Variants in GPHN observed in about 807,000 individuals in gnomAD.
GPHN encodes gephyrin.
GPHN carries 17 observed loss-of-function variants against 95.5 expected under a neutral mutation model. The ratio of observed to expected loss-of-function variants is 0.18; its 90% CI spans 0.12 to 0.27. The LOEUF (loss-of-function observed/expected upper bound fraction) is 0.27, where lower values mean the gene tolerates loss of function less well. GPHN is among the 10% of genes least tolerant of loss of function. The probability of loss-of-function intolerance (pLI) is 1.00; values close to 1 mark genes in which losing one functional copy is unlikely to be tolerated. For missense variants in GPHN, 660 were observed against 978.1 expected (o/e 0.67, Z 4.34); for synonymous variants, 320 against 322.5 (o/e 0.99, Z 0.08).
At chr14:66,892,149 G>A (rs1259385743) in intron 5 of GPHN, among the ~76,000 whole-genome samples, 5 of 152,098 alleles carry the variant, frequency 3.3e-5, no homozygotes, top group Non-Finnish European at 5.9e-5. Context: ...GGGGCTGGGT[G>A]TGGTGGTTTA....
At chr14:66,863,054 T>C (rs117747136) in intron 4 of GPHN, among the ~76,000 whole-genome samples, 2,923 of 152,196 alleles carry the variant, frequency 0.019, 39 homozygotes, top group Middle Eastern at 0.034. Flanking sequence ...TTTCAGATGA[T>C]ATGATATTAT....
the GPHN span, chr14:67,580,142 C>A: frequency 2.6e-6 from 1 of 387,162 alleles, no homozygotes. Flanking sequence ...AGAAAAGCCT[C>A]TTCTTGGCTT....
chr14:67,453,050 G>A, the GPHN span, among the ~76,000 whole-genome samples: 2 of 152,210 alleles, frequency 1.3e-5, no homozygotes, highest in African/African-American at 2.4e-5. Flanking sequence ...AGAATTTTCT[G>A]TCTTCACACA....
At chr14:67,104,864 TCTTTC>T (rs2077948423) in intron 13 of GPHN, among the ~76,000 whole-genome samples, 1 of 152,136 alleles carries the variant, frequency 6.6e-6, no homozygotes, top group Non-Finnish European at 1.5e-5. Flanking sequence ...CTGTATTCTT[TCTTTC>T]CTTCTTCTGA....
the GPHN span, among the ~76,000 whole-genome samples, chr14:67,517,539 T>C: frequency 6.6e-6 from 1 of 152,196 alleles, no homozygotes; most frequent in Non-Finnish European, 1.5e-5. Context: ...GAAGCTCTAT[T>C]GTAGAAGCCA....
At chr14:67,456,235 A>G in the GPHN span, among the ~76,000 whole-genome samples, 2 of 152,234 alleles carry the variant, frequency 1.3e-5, no homozygotes, top group African/African-American at 4.8e-5. Context: ...ATCACTAATC[A>G]TAAGAGAAAT....
intron 2 of GPHN, among the ~76,000 whole-genome samples, chr14:66,718,678 G>T (rs2070433284): frequency 6.6e-6 from 1 of 152,046 alleles, no homozygotes; most frequent in Non-Finnish European, 1.5e-5. Context: ...TTTTTACAGT[G>T]TGCTGATTGG....
At chr14:67,668,259 T>C in the GPHN span, among the ~76,000 whole-genome samples, 1 of 152,214 alleles carries the variant, frequency 6.6e-6, no homozygotes, top group Admixed American at 6.5e-5. Context: ...CACATTATAG[T>C]ACTCTGAGGT....
chr14:66,987,145 AT>A (rs1277222370), intron 9 of GPHN, among the ~76,000 whole-genome samples: 1 of 152,160 alleles, frequency 6.6e-6, no homozygotes, highest in East Asian at 1.9e-4. Context: ...GAGTTTGTGT[AT>A]CCTGATGATA....
At chr14:67,649,090 T>A in the GPHN span, 3 of 152,344 alleles carry the variant, frequency 2.0e-5, no homozygotes, top group East Asian at 5.8e-4. Flanking sequence ...CCTTAGGTTA[T>A]TGGCCAGAGA....
intron 17 of GPHN, among the ~76,000 whole-genome samples, chr14:67,131,245 T>G (rs1303578750): frequency 1.3e-5 from 2 of 152,130 alleles, no homozygotes; most frequent in Non-Finnish European, 2.9e-5. Flanking sequence ...AAATTTGCTT[T>G]GAGAAGTTGT....
intron 12 of GPHN, among the ~76,000 whole-genome samples, chr14:67,099,300 T>G (rs192904190): frequency 8.4e-4 from 128 of 152,180 alleles, no homozygotes; most frequent in African/African-American, 3.0e-3. Flanking sequence ...TTTTGTATTT[T>G]TAGTAGAGAC....
At chr14:67,518,458 A>G in the GPHN span, among the ~76,000 whole-genome samples, 90 of 152,332 alleles carry the variant, frequency 5.9e-4, no homozygotes, top group African/African-American at 2.1e-3. Context: ...TATAATACAC[A>G]GGTAATAAGT....
At chr14:66,690,985 C>T (rs1417813487) in intron 2 of GPHN, among the ~76,000 whole-genome samples, 1 of 152,108 alleles carries the variant, frequency 6.6e-6, no homozygotes, top group Admixed American at 6.6e-5. Flanking sequence ...TGCTGACTCA[C>T]TTACGTATTT....
intron 1 of GPHN, among the ~76,000 whole-genome samples, chr14:66,660,843 A>C (rs2065599769): frequency 6.6e-6 from 1 of 152,160 alleles, no homozygotes; most frequent in East Asian, 1.9e-4. Flanking sequence ...ACATGGATAC[A>C]AGAGAACCTA....
intron 11 of GPHN, among the ~76,000 whole-genome samples, chr14:67,060,041 T>C (rs1274844240): frequency 1.3e-5 from 2 of 152,174 alleles, no homozygotes; most frequent in East Asian, 3.9e-4. Context: ...GAATGTAAAC[T>C]TAAGTTATAA....
the GPHN span, chr14:67,592,736 A>T: frequency 1.4e-6 from 2 of 1,451,250 alleles, no homozygotes; most frequent in Non-Finnish European, 1.9e-6. Context: ...AAAATAAATC[A>T]AATAGCAAAG....
the GPHN span, among the ~76,000 whole-genome samples, chr14:67,344,839 A>G: frequency 6.6e-6 from 1 of 151,866 alleles, no homozygotes; most frequent in Non-Finnish European, 1.5e-5. Context: ...CAAGATCGCA[A>G]CACTGCACTC....
the GPHN span, among the ~76,000 whole-genome samples, chr14:67,224,162 T>C: frequency 1.3e-5 from 2 of 152,122 alleles, no homozygotes; most frequent in Non-Finnish European, 2.9e-5. Flanking sequence ...TGGGATAAAG[T>C]GGCACTTCAA....
Sources: allele counts gnomAD v4.1 joint callset (sites outside exome capture counted in the v4.1 genomes callset), GRCh38; gene constraint gnomAD v4.1.1; transcripts MANE v1.5; gene names NCBI Gene and HGNC (gene_info 2026-07-23, HGNC 2026-07-21).